LRP1B: variants seen among roughly 807,000 people sequenced by gnomAD.
The protein encoded by LRP1B is LDL receptor related protein 1B.
Under a neutral mutation model 556.6 loss-of-function variants are expected in LRP1B, and 217 were observed. That is an observed-to-expected ratio of 0.39 (90% CI 0.35 to 0.44). The LOEUF (loss-of-function observed/expected upper bound fraction) is 0.44, where lower values mean the gene tolerates loss of function less well. Among genes scored for constraint, LRP1B ranks in the 20% least tolerant of loss-of-function variants. LRP1B has a pLI of 1.00. For missense variants in LRP1B, 5,053 were observed against 5,620.8 expected, an observed-to-expected ratio of 0.90 and a Z score of 3.23; for synonymous variants, 2,047 against 1,865.8, an observed-to-expected ratio of 1.10 and a Z score of -2.50.
chr2:141,132,980 A>G (rs1368236242), intron 7 of LRP1B, among the ~76,000 whole-genome samples: 1 of 152,068 alleles, frequency 6.6e-6, no homozygotes, highest in Non-Finnish European at 1.5e-5. Context: ...CATATGTTTT[A>G]AGAGATGAAA....
At chr2:141,083,108 T>C (rs1166749125) in intron 7 of LRP1B, among the ~76,000 whole-genome samples, 2 of 152,238 alleles carry the variant, frequency 1.3e-5, no homozygotes, top group Non-Finnish European at 2.9e-5. Flanking sequence ...GGTGGAAGAA[T>C]ATTCTTATAA....
intron 1 of LRP1B, among the ~76,000 whole-genome samples, chr2:141,996,458 G>C (rs1702493930): frequency 6.6e-6 from 1 of 152,042 alleles, no homozygotes; most frequent in African/African-American, 2.4e-5. Flanking sequence ...TACTTTGCAA[G>C]GTAGTACTGA....
intron 1 of LRP1B, among the ~76,000 whole-genome samples, chr2:142,078,157 T>C (rs1286439755): frequency 6.6e-6 from 1 of 152,130 alleles, no homozygotes; most frequent in Non-Finnish European, 1.5e-5. Flanking sequence ...TCATTACAGT[T>C]TTAGTCTGGT....
chr2:141,057,397 C>T (rs886606735), intron 9 of LRP1B, among the ~76,000 whole-genome samples: 1 of 151,848 alleles, frequency 6.6e-6, no homozygotes, highest in Admixed American at 6.6e-5. Flanking sequence ...GTTCTCTCCT[C>T]ATGGCTTTTG....
At position 140,598,791 on chromosome 2, in the gene LRP1B, A is replaced by T. The variant is rs200547274; in HGVS notation, c.7034T>A (p.Met2345Lys). The stretch of plus-strand genomic sequence containing the variant: ...ATTTTTCCCAGTCAGAGTAGATCTC[A>T]TGATACTTGGATGTTGTTCATTCCA... Reference protein sequence around the residue: ...TNWNEQHPSIMRSTLTGKNAQ... With the variant: ...TNWNEQHPSIKRSTLTGKNAQ... The change falls in exon 43 of 91, where the codon ATG (methionine) becomes AAG (lysine). Residue 2345 changes from methionine to lysine, a missense_variant. Transcript: ENST00000389484. The T allele has an allele frequency of 6.8e-6, 11 of 1,605,856 alleles. No homozygotes were observed. In the East Asian group the frequency reaches 2.2e-4, roughly 33 times the overall value.
At chr2:142,084,385 T>C (rs1185545903) in intron 1 of LRP1B, among the ~76,000 whole-genome samples, 1 of 152,156 alleles carries the variant, frequency 6.6e-6, no homozygotes, top group Non-Finnish European at 1.5e-5. Flanking sequence ...ATTTTGACAT[T>C]CTTTAGACTT....
At chr2:140,744,141 TATTA>T (rs772238117) in intron 35 of LRP1B, among the ~76,000 whole-genome samples, 2 of 152,078 alleles carry the variant, frequency 1.3e-5, no homozygotes, top group Non-Finnish European at 2.9e-5. Flanking sequence ...GTGATAGATG[TATTA>T]ATTAATTTGA....
At chr2:141,940,441 A>T (rs1336775651) in intron 1 of LRP1B, among the ~76,000 whole-genome samples, 1 of 152,172 alleles carries the variant, frequency 6.6e-6, no homozygotes, top group Admixed American at 6.5e-5. Context: ...AAATGCTGAT[A>T]ACTATTCATG....
chr2:141,949,493 C>T (rs1190327465), intron 1 of LRP1B, among the ~76,000 whole-genome samples: 1 of 152,116 alleles, frequency 6.6e-6, no homozygotes, highest in East Asian at 1.9e-4. Flanking sequence ...TGGGTTCAAG[C>T]AATTCTCTGC....
chr2:140,383,771 C>A (rs944799759), intron 67 of LRP1B, among the ~76,000 whole-genome samples: 8 of 152,286 alleles, frequency 5.3e-5, no homozygotes, highest in African/African-American at 1.9e-4. Context: ...CTCTCCTCTG[C>A]AACTTCATCA....
chr2:140,871,551 A>T (rs1693129092), intron 25 of LRP1B, among the ~76,000 whole-genome samples: 2 of 152,194 alleles, frequency 1.3e-5, no homozygotes, highest in African/African-American at 4.8e-5. Flanking sequence ...GCAAGAGATC[A>T]TAGGAGTAGA....
At chr2:140,931,066 A>C (rs1695034120) in intron 20 of LRP1B, among the ~76,000 whole-genome samples, 1 of 152,070 alleles carries the variant, frequency 6.6e-6, no homozygotes, top group African/African-American at 2.4e-5. Context: ...CTTTGGGCTA[A>C]CTGGTTTGTG....
At chr2:140,434,010 C>G (rs540132444) in intron 66 of LRP1B, among the ~76,000 whole-genome samples, 238 of 152,006 alleles carry the variant, frequency 1.6e-3, no homozygotes, top group African/African-American at 5.5e-3. Context: ...GATCTGTTCT[C>G]TACTCTATTT....
chr2:140,331,196 A>G (rs1573803842), intron 79 of LRP1B, among the ~76,000 whole-genome samples: 2 of 152,230 alleles, frequency 1.3e-5, no homozygotes, highest in Middle Eastern at 6.8e-3. Flanking sequence ...GATAGACTGC[A>G]TAAAGAAAAT....
chr2:141,948,876 T>C (rs1558980519), intron 1 of LRP1B, among the ~76,000 whole-genome samples: 1 of 152,086 alleles, frequency 6.6e-6, no homozygotes, highest in Non-Finnish European at 1.5e-5. Context: ...TTAACAGAAT[T>C]TTTATACTAC....
intron 47 of LRP1B, among the ~76,000 whole-genome samples, chr2:140,531,522 A>G (rs1265765406): frequency 1.3e-5 from 2 of 152,292 alleles, no homozygotes; most frequent in East Asian, 3.9e-4. Flanking sequence ...CACACTGTCT[A>G]AGATGGCAGA....
intron 41 of LRP1B, among the ~76,000 whole-genome samples, chr2:140,668,561 CTGTT>C (rs981983542): frequency 2.6e-5 from 4 of 151,964 alleles, no homozygotes; most frequent in African/African-American, 4.8e-5. Context: ...CAAGTGTAAA[CTGTT>C]TGGTCTTCTG....
intron 7 of LRP1B, among the ~76,000 whole-genome samples, chr2:141,121,391 G>A (rs1701044015): frequency 6.6e-6 from 1 of 151,974 alleles, no homozygotes; most frequent in African/African-American, 2.4e-5. Flanking sequence ...GACATAGAAA[G>A]TAAATATCTT....
chr2:141,560,732 T>C (rs1426996979), intron 2 of LRP1B, among the ~76,000 whole-genome samples: 1 of 151,728 alleles, frequency 6.6e-6, no homozygotes, highest in Admixed American at 6.6e-5. Flanking sequence ...GTACTTTTTT[T>C]TAGGAGGTTT....
Sources: gnomAD v4.1 joint callset for allele counts (sites outside exome capture counted in the v4.1 genomes callset) on GRCh38, gnomAD v4.1.1 for gene constraint, MANE v1.5 for transcripts, NCBI Gene and HGNC (gene_info 2026-07-23, HGNC 2026-07-21) for gene names.